Variants in USP9X observed in about 807,000 individuals in gnomAD.
USP9X encodes the protein ubiquitin specific peptidase 9 X-linked, also known as ubiquitin carboxyl-terminal hydrolase 9X.
A neutral mutation model predicts 190.3 loss-of-function variants in USP9X; 7 were observed. The observed-to-expected ratio is 0.04, with a 90% CI of 0.02 to 0.07. The LOEUF (loss-of-function observed/expected upper bound fraction) is 0.07. Ranked by LOEUF, USP9X falls within the 10% of genes least tolerant of loss-of-function variation. USP9X has a pLI of 1.00. For missense variants in USP9X, 1,010 were observed against 1,916.9 expected (o/e 0.53, Z 8.83); for synonymous variants, 645 against 659.5 (o/e 0.98, Z 0.34).
Position 41,140,994 on chromosome X carries a change from A to T in USP9X, c.799A>T (p.Thr267Ser). The change falls in exon 8 of 45, where the codon ACT becomes TCT. Residue 267 changes from threonine (T) to serine (S), a missense_variant. By Grantham distance (58) the Thr-to-Ser change is moderately conservative. Around this residue, in one of 11 missense-constraint regions of USP9X, gnomAD observed 176 missense variants for 247.5 expected, o/e 0.71. Transcript: ENST00000378308. ...ATTTGGGCAATGCTATGAGTTTCTC[A>T]CTCTTCATACAGTGAAAAAGTACTT... ...KPFGQCYEFL[T>S]LHTVKKYFLP... 8.4e-7 allele frequency: 1 copy of T among 1,193,106 alleles called. No homozygotes were observed. Among genetic ancestry groups the T allele is most frequent in the Non-Finnish European group, 1.1e-6 (1 of 889,223 alleles).
chrX:41,112,770 CAATT>C (rs1157405747), intron 1 of USP9X, among the ~76,000 whole-genome samples: 1 of 112,082 alleles, frequency 8.9e-6, no homozygotes, highest in Non-Finnish European at 1.9e-5. Flanking sequence ...TAATTATAAG[CAATT>C]AAATAATTAG....
chrX:41,160,563 C>A (rs2062620920), intron 14 of USP9X, among the ~76,000 whole-genome samples: 1 of 111,303 alleles, frequency 9.0e-6, no homozygotes, highest in African/African-American at 3.3e-5. Flanking sequence ...AAAAGTTTAA[C>A]AAAATAGTTA....
In USP9X at chrX:41,195,473, TA is replaced by T. The variant is rs779704260; in HGVS notation, c.3978-776del. Among the ~76,000 whole-genome samples, 92 of 111,608 alleles carry T rather than the reference TA, an allele frequency of 8.2e-4. 1 individual carries two copies. The Middle Eastern group carries it at 0.027, about 33-fold the overall frequency. On this transcript the variant is annotated intron_variant, in intron 26 of 44. Transcript: ENST00000378308. ...TTGGCATTTCTAACAAGTTCCCAGA[TA>T]ATGCTGATGTTGCTGCTCTGGGGAC... is the stretch of plus-strand genomic sequence containing the variant.
At chrX:41,211,959 T>G (rs1460000186) in intron 33 of USP9X, among the ~76,000 whole-genome samples, 2 of 112,573 alleles carry the variant, frequency 1.8e-5, no homozygotes, top group African/African-American at 6.5e-5. Context: ...GTCTGGGAGG[T>G]GTACTCAACA....
intron 2 of USP9X, among the ~76,000 whole-genome samples, chrX:41,127,669 C>G (rs1201356930): frequency 8.9e-6 from 1 of 112,091 alleles, no homozygotes; most frequent in East Asian, 2.8e-4. Context: ...ACTGTGAGCA[C>G]CTGCACAGTG....
At chrX:41,119,720 C>T (rs2062175856) in intron 1 of USP9X, among the ~76,000 whole-genome samples, 1 of 112,705 alleles carries the variant, frequency 8.9e-6, no homozygotes, top group African/African-American at 3.2e-5. Context: ...GTCCCAGCTA[C>T]TCGGGAGGCT....
intron 1 of USP9X, among the ~76,000 whole-genome samples, chrX:41,117,961 G>A (rs1464327739): frequency 9.1e-6 from 1 of 110,456 alleles, no homozygotes; most frequent in Non-Finnish European, 1.9e-5. Flanking sequence ...GGATTCAAGC[G>A]ATTCTCCTGC....
intron 2 of USP9X, among the ~76,000 whole-genome samples, chrX:41,125,474 C>T (rs1601951890): frequency 9.3e-6 from 1 of 107,767 alleles, no homozygotes; most frequent in African/African-American, 3.4e-5. Flanking sequence ...TCTGGATTTT[C>T]AAATTTGAGG....
chrX:41,094,750 A>G (rs377639203), intron 1 of USP9X, among the ~76,000 whole-genome samples: 2 of 110,142 alleles, frequency 1.8e-5, no homozygotes, highest in East Asian at 5.8e-4. Context: ...CAAAATCCGA[A>G]ATTTGGGGCC....
chrX:41,196,316 G>A lies in USP9X; in HGVS notation c.4043G>A (p.Arg1348Gln). ...LMCTRCCMGH[R>Q]PLLFFITLLF... ...TGCACCAGATGTTGCATGGGACACC[G>A]GCCTCTACTTTTCTTCATTACTCTA... The change falls in exon 27 of 45, where the codon CGG becomes CAG. Residue 1348 changes from arginine (R) to glutamine (Q), a missense_variant. Physicochemically the swap from Arg to Gln is conservative, Grantham distance 43 (BLOSUM62 1). Around this residue, in one of 11 missense-constraint regions of USP9X, gnomAD observed 351 missense variants for 480.8 expected, o/e 0.73. Transcript: ENST00000378308. 1 of 1,211,622 alleles carries A rather than the reference G, an allele frequency of 8.3e-7. No individual in the cohort carries two copies. The highest frequency in any genetic ancestry group is 1.1e-6 in the Non-Finnish European group (1 of 895,448).
chrX:41,119,070 G>A lies in USP9X; in HGVS notation c.-158-4401G>A, dbSNP rs12353853. On this transcript the variant is annotated intron_variant, in intron 1 of 44. Coordinates refer to ENST00000378308, the MANE Select transcript of USP9X (RefSeq NM_001039591.3). ...ACCTTCTTCTCATGCGTCCCCTAAT[G>A]CACATACTCAAAAGCTTTGTATGTA... Among the ~76,000 whole-genome samples, 283 of 111,954 alleles carry A rather than the reference G, an allele frequency of 2.5e-3. 1 individual carries two copies. Among genetic ancestry groups the A allele is most frequent in the African/African-American group, 8.9e-3 (273 of 30,813 alleles).
At chrX:41,197,868 C>A (rs2147193195) in intron 29 of USP9X, among the ~76,000 whole-genome samples, 1 of 109,218 alleles carries the variant, frequency 9.2e-6, no homozygotes, top group East Asian at 2.9e-4. Flanking sequence ...AAAAAAATTG[C>A]CAGGTGTGGT....
Position 41,085,549 on chromosome X carries a change from G to A in USP9X, c.-719G>A. The A allele has an allele frequency of 4.1e-6, 1 of 241,685 alleles. No individual in the cohort carries two copies. The highest frequency in any genetic ancestry group is 7.4e-6 in the Non-Finnish European group (1 of 134,785). 19.9% of individuals were successfully genotyped at this position (241,685 alleles called of 1,213,427 possible). A position where few individuals can be genotyped will look rare whatever the true frequency, so the allele number is the denominator to read the frequency against. ...CCTCTCCGCACCCGGCCCCGTCAGG[G>A]CCTCTGTCGCGCCTAGCCCCTCCCC... is the stretch of plus-strand genomic sequence containing the variant. On this transcript the variant is annotated 5_prime_UTR_variant, in exon 1 of 45. Coordinates refer to ENST00000378308, the MANE Select transcript of USP9X (RefSeq NM_001039591.3).
At chrX:41,205,636 T>G (rs2063084971) in intron 32 of USP9X, 143 bp downstream of exon 32, 1 of 394,698 alleles carries the variant, frequency 2.5e-6, no homozygotes, top group South Asian at 1.1e-4. Flanking sequence ...TGGGTGGGTT[T>G]TTTTTTTTTT....
chrX:41,113,979 C>G (rs941237194), intron 1 of USP9X, among the ~76,000 whole-genome samples: 1 of 112,808 alleles, frequency 8.9e-6, no homozygotes, highest in Non-Finnish European at 1.9e-5. Flanking sequence ...TAAGTCATAA[C>G]TGCATAAAAT....
At position 41,225,057 on chromosome X, in the gene USP9X, T is replaced by C; in HGVS notation, c.6981T>C (p.Tyr2327=). 2 of 1,211,926 alleles carry C rather than the reference T, an allele frequency of 1.7e-6. No individual in the cohort carries two copies. The highest frequency in any genetic ancestry group is 3.0e-5 in the East Asian group (1 of 33,863). The change falls in exon 41 of 45, where the codon TAT becomes TAC. Residue 2327 remains tyrosine, a synonymous_variant. Transcript: ENST00000378308. ...VLSELLWQVA[Y]SYTYELRPYL... is the part of the protein sequence containing the mutation. ...GTCTTACTTGTTTTTAGGTTGCATA[T>C]TCCTATACCTATGAACTGCGGCCCT...
chrX:41,170,590 C>T lies in USP9X; in HGVS notation c.2998C>T (p.Pro1000Ser). 1 of 1,210,866 alleles carries T rather than the reference C, an allele frequency of 8.3e-7. No homozygotes were observed. Among genetic ancestry groups the T allele is most frequent in the Non-Finnish European group, 1.1e-6 (1 of 895,144 alleles). The change falls in exon 20 of 45, where the codon CCA becomes TCA. Residue 1000 changes from proline to serine, a missense_variant. Coordinates refer to ENST00000378308, the MANE Select transcript of USP9X (RefSeq NM_001039591.3). ...TAATCATTACAGTGATGGTCCCAAT[C>T]CAGAAGTGGAAAGCTGTTTGCCTGG... ...HGNHYSDGPN[P>S]EVESCLPGVI...
chrX:41,210,461 G>T lies in USP9X; in HGVS notation c.5016-48G>T. The stretch of plus-strand genomic sequence containing the variant: ...CCTGAAAAATATAGTTGTACATATT[G>T]TTCTGTGAATGTTACATGTTACATG... On this transcript the variant is annotated intron_variant, in intron 32 of 44. Coordinates refer to ENST00000378308, the MANE Select transcript of USP9X (RefSeq NM_001039591.3). 2.6e-6 allele frequency: 3 copies of T among 1,155,192 alleles called. No homozygotes were observed. The South Asian group carries it at 5.7e-5, about 22-fold the overall frequency.
chrX:41,220,306 C>G (rs749032410), intron 38 of USP9X, among the ~76,000 whole-genome samples: 1 of 112,227 alleles, frequency 8.9e-6, no homozygotes, highest in Non-Finnish European at 1.9e-5. Flanking sequence ...CTGTTCAACT[C>G]TTTTAGATAT....
Sources: allele counts gnomAD v4.1 joint callset (sites outside exome capture counted in the v4.1 genomes callset), GRCh38; gene constraint gnomAD v4.1.1; regional missense constraint gnomAD v4.1.1; transcripts MANE v1.5; gene names NCBI Gene and HGNC (gene_info 2026-07-23, HGNC 2026-07-21).